The following FGF12 variants were observed in gnomAD, a reference collection of about 807,000 sequenced individuals.
The protein encoded by FGF12 is fibroblast growth factor 12B.
FGF12 carries 14 observed loss-of-function variants against 23.6 expected under a neutral mutation model. The observed-to-expected ratio is 0.59, with a 90% CI of 0.39 to 0.93. The LOEUF (loss-of-function observed/expected upper bound fraction) is 0.93. Ranked by LOEUF, FGF12 falls within the 40% of genes least tolerant of loss-of-function variation. The probability of loss-of-function intolerance (pLI) is 0.00; values close to 1 mark genes in which losing one functional copy is unlikely to be tolerated. For synonymous variants in FGF12, 62 were observed against 77.3 expected (o/e 0.80, Z 1.04); for missense variants, 175 against 217.8 (o/e 0.80, Z 1.24).
intron 2 of FGF12, among the ~76,000 whole-genome samples, chr3:192,540,518 C>G (rs1453277748): frequency 6.6e-6 from 1 of 151,988 alleles, no homozygotes; most frequent in Non-Finnish European, 1.5e-5. Context: ...GATATAACTT[C>G]CAATTTTTTT....
intron 2 of FGF12, among the ~76,000 whole-genome samples, chr3:192,673,849 T>C (rs1717224661): frequency 6.6e-6 from 1 of 151,204 alleles, no homozygotes; most frequent in Non-Finnish European, 1.5e-5. Flanking sequence ...GCATTAAGCA[T>C]ACATGTGCAT....
At chr3:192,711,328 T>TG (rs1163322733) in intron 2 of FGF12, among the ~76,000 whole-genome samples, 8 of 147,232 alleles carry the variant, frequency 5.4e-5, no homozygotes, top group Admixed American at 2.0e-4. Flanking sequence ...ATCCGGGAGG[T>TG]GGGGGGCATC....
intron 3 of FGF12, among the ~76,000 whole-genome samples, chr3:192,342,380 G>T (rs1717734601): frequency 6.6e-6 from 1 of 152,156 alleles, no homozygotes; most frequent in African/African-American, 2.4e-5. Flanking sequence ...CATAGGCCTG[G>T]TAAGGGTAGG....
intron 4 of FGF12, among the ~76,000 whole-genome samples, chr3:192,276,405 G>A (rs1392512916): frequency 6.6e-6 from 1 of 152,164 alleles, no homozygotes; most frequent in African/African-American, 2.4e-5. Flanking sequence ...AATGTGTTCT[G>A]ACAAGGTTTT....
At position 192,141,940 on chromosome 3, in the gene FGF12, TG is replaced by T. The variant is rs1713415839; in HGVS notation, c.*2068del. On this transcript the variant is annotated 3_prime_UTR_variant, in exon 6 of 6. Transcript: ENST00000445105. The stretch of plus-strand genomic sequence containing the variant: ...CTTGGGATTTTTTTCTTTTTTTTTT[TG>T]GTTCTGGTAGTGACAGGTGTATTTA... 1 of 152,138 alleles carries T rather than the reference TG, an allele frequency of 6.6e-6. No individual in the cohort carries two copies. 9.4% of individuals were successfully genotyped at this position (152,138 alleles called of 1,614,324 possible).
At chr3:192,556,706 A>G (rs1711791650) in intron 2 of FGF12, among the ~76,000 whole-genome samples, 1 of 152,178 alleles carries the variant, frequency 6.6e-6, no homozygotes. Flanking sequence ...ACAGCAGAAG[A>G]TAAACATTCT....
At chr3:192,469,949 T>C (rs1354240546) in intron 2 of FGF12, among the ~76,000 whole-genome samples, 2 of 152,192 alleles carry the variant, frequency 1.3e-5, no homozygotes, top group Admixed American at 6.5e-5. Context: ...TTGGCACATA[T>C]CAGATTCTGC....
intron 2 of FGF12, among the ~76,000 whole-genome samples, chr3:192,433,247 T>C (rs751611436): frequency 6.6e-5 from 10 of 152,198 alleles, no homozygotes; most frequent in Non-Finnish European, 1.2e-4. Flanking sequence ...TTGGGAGTAA[T>C]CTTCTCCTGA....
At chr3:192,547,023 C>A (rs992975274) in intron 2 of FGF12, among the ~76,000 whole-genome samples, 1 of 152,158 alleles carries the variant, frequency 6.6e-6, no homozygotes, top group African/African-American at 2.4e-5. Context: ...TGCACTCCAG[C>A]CTGGGCAACA....
intron 2 of FGF12, among the ~76,000 whole-genome samples, chr3:192,373,368 C>T (rs1322247386): frequency 2.0e-5 from 3 of 151,388 alleles, no homozygotes; most frequent in South Asian, 4.2e-4. Context: ...GGAAGAGTTC[C>T]GTGGCTCCAA....
chr3:192,551,276 G>A (rs1711521993), intron 2 of FGF12, among the ~76,000 whole-genome samples: 1 of 152,212 alleles, frequency 6.6e-6, no homozygotes, highest in Admixed American at 6.5e-5. Context: ...ACTGAGAGGA[G>A]AAGGCACAGA....
At chr3:192,359,946 C>CAT (rs35037623) in intron 3 of FGF12, among the ~76,000 whole-genome samples, 14,661 of 149,050 alleles carry the variant, frequency 0.098, 763 homozygotes, top group African/African-American at 0.13. Context: ...CATAAAATAA[C>CAT]ATATATATAT....
chr3:192,418,996 A>G (rs1009604747), intron 2 of FGF12, among the ~76,000 whole-genome samples: 20 of 152,198 alleles, frequency 1.3e-4, no homozygotes, highest in African/African-American at 4.8e-4. Flanking sequence ...TATTTTACCT[A>G]ATCCTCACAA....
At chr3:192,497,285 AAT>A (rs1253831356) in intron 2 of FGF12, among the ~76,000 whole-genome samples, 2 of 152,196 alleles carry the variant, frequency 1.3e-5, no homozygotes, top group East Asian at 3.9e-4. Context: ...GCTGTCAATC[AAT>A]AGCAAATCTT....
chr3:192,334,732 A>G (rs1235238121), intron 4 of FGF12, among the ~76,000 whole-genome samples: 2 of 152,188 alleles, frequency 1.3e-5, no homozygotes, highest in Non-Finnish European at 1.5e-5. Flanking sequence ...TCATTTGAAA[A>G]GTCCAAAATT....
intron 4 of FGF12, among the ~76,000 whole-genome samples, chr3:192,284,403 T>C (rs754362088): frequency 4.6e-5 from 7 of 152,108 alleles, no homozygotes; most frequent in Non-Finnish European, 1.0e-4. Flanking sequence ...TATTCTACTC[T>C]GTCCTTCAAA....
chr3:192,553,865 C>T (rs1333265173), intron 2 of FGF12, among the ~76,000 whole-genome samples: 1 of 152,156 alleles, frequency 6.6e-6, no homozygotes, highest in Non-Finnish European at 1.5e-5. Flanking sequence ...AACAAAAGGG[C>T]CAGGTTGGGG....
At chr3:192,319,783 T>G (rs9824169) in intron 4 of FGF12, among the ~76,000 whole-genome samples, 44,153 of 151,962 alleles carry the variant, frequency 0.29, 9,235 homozygotes, top group African/African-American at 0.58. Context: ...GTCATCAGTT[T>G]AAAATGGTGG....
chr3:192,303,178 T>C (rs1013800247), intron 4 of FGF12, among the ~76,000 whole-genome samples: 4 of 152,184 alleles, frequency 2.6e-5, no homozygotes, highest in African/African-American at 9.6e-5. Context: ...TTTTCTTTTG[T>C]AAGGTGCATG....
Sources: gnomAD v4.1 joint callset for allele counts (sites outside exome capture counted in the v4.1 genomes callset) on GRCh38, gnomAD v4.1.1 for gene constraint, MANE v1.5 for transcripts, NCBI Gene and HGNC (gene_info 2026-07-23, HGNC 2026-07-21) for gene names.